Variants in SLC24A2 observed in about 807,000 individuals in gnomAD.
SLC24A2 encodes sodium/potassium/calcium exchanger 2.
Under a neutral mutation model 62.0 loss-of-function variants are expected in SLC24A2, and 36 were observed. The observed-to-expected ratio is 0.58, with a 90% confidence interval of 0.44 to 0.77. The LOEUF (loss-of-function observed/expected upper bound fraction) is 0.77, where lower values mean the gene tolerates loss of function less well. SLC24A2 is among the 30% of genes least tolerant of loss of function. SLC24A2 has a pLI of 0.00. For synonymous variants in SLC24A2, 358 were observed against 294.0 expected (o/e 1.22, Z -2.23); for missense variants, 846 against 817.9 (o/e 1.03, Z -0.42).
At chr9:19,557,524 T>C (rs545328383) in intron 7 of SLC24A2, among the ~76,000 whole-genome samples, 6 of 152,226 alleles carry the variant, frequency 3.9e-5, no homozygotes, top group Non-Finnish European at 8.8e-5. Flanking sequence ...TAATCATCCA[T>C]GTGTAATTAC....
chr9:20,037,288 A>G, the SLC24A2 span, among the ~76,000 whole-genome samples: 1 of 152,320 alleles, frequency 6.6e-6, no homozygotes, highest in East Asian at 1.9e-4. Context: ...TTAGGGAATA[A>G]TGACAGGAGA....
the SLC24A2 span, among the ~76,000 whole-genome samples, chr9:19,873,206 T>G: frequency 1.3e-5 from 2 of 151,774 alleles, no homozygotes; most frequent in African/African-American, 4.8e-5. Flanking sequence ...CCTCCCTTCC[T>G]CCCTCCCTCC....
the SLC24A2 span, among the ~76,000 whole-genome samples, chr9:19,945,542 C>T: frequency 2.0e-5 from 3 of 152,210 alleles, no homozygotes; most frequent in Non-Finnish European, 2.9e-5. Context: ...TCTCCCTTTG[C>T]TATTCAGGGT....
At chr9:19,943,682 G>C in the SLC24A2 span, among the ~76,000 whole-genome samples, 1 of 152,246 alleles carries the variant, frequency 6.6e-6, no homozygotes, top group East Asian at 1.9e-4. Flanking sequence ...TCTGACCCAA[G>C]ACACAGAATG....
chr9:19,626,177 G>A (rs1243308496), intron 2 of SLC24A2, among the ~76,000 whole-genome samples: 1 of 152,162 alleles, frequency 6.6e-6, no homozygotes, highest in East Asian at 1.9e-4. Context: ...TGATTTTGCT[G>A]ACTATAAAGT....
At chr9:20,290,488 T>C in the SLC24A2 span, among the ~76,000 whole-genome samples, 2 of 152,252 alleles carry the variant, frequency 1.3e-5, no homozygotes, top group African/African-American at 2.4e-5. Flanking sequence ...GATATCCACA[T>C]GCCTTTGGCC....
chr9:20,198,263 A>G, the SLC24A2 span, among the ~76,000 whole-genome samples: 1 of 152,218 alleles, frequency 6.6e-6, no homozygotes, highest in African/African-American at 2.4e-5. Flanking sequence ...GAAGTCACTA[A>G]GCTTCAGGGT....
chr9:19,849,141 G>A, the SLC24A2 span, among the ~76,000 whole-genome samples: 1 of 152,184 alleles, frequency 6.6e-6, no homozygotes, highest in Non-Finnish European at 1.5e-5. Flanking sequence ...GGTTTTCCCA[G>A]TAGTGTGCCA....
At chr9:20,132,056 T>C in the SLC24A2 span, among the ~76,000 whole-genome samples, 2 of 152,116 alleles carry the variant, frequency 1.3e-5, no homozygotes, top group Non-Finnish European at 2.9e-5. Flanking sequence ...ACTGTAAATG[T>C]GGCTATTTTT....
At chr9:19,878,821 G>C in the SLC24A2 span, among the ~76,000 whole-genome samples, 1 of 152,062 alleles carries the variant, frequency 6.6e-6, no homozygotes, top group African/African-American at 2.4e-5. Context: ...AAATTACCCA[G>C]TTTCAGGTAT....
At chr9:19,661,361 T>C (rs1037771721) in intron 2 of SLC24A2, among the ~76,000 whole-genome samples, 2 of 152,230 alleles carry the variant, frequency 1.3e-5, no homozygotes, top group African/African-American at 2.4e-5. Flanking sequence ...CTAAATATCA[T>C]TGACATCTCT....
the SLC24A2 span, among the ~76,000 whole-genome samples, chr9:20,288,533 C>T: frequency 2.6e-5 from 4 of 152,064 alleles, no homozygotes; most frequent in African/African-American, 9.7e-5. Context: ...TCTTGGGAGG[C>T]TAAGGCAGGT....
the SLC24A2 span, among the ~76,000 whole-genome samples, chr9:20,240,565 T>G: frequency 5.5e-4 from 84 of 152,318 alleles, no homozygotes; most frequent in Non-Finnish European, 3.8e-4. Context: ...AGCAGCTTCC[T>G]TTTTAACTTG....
the SLC24A2 span, among the ~76,000 whole-genome samples, chr9:20,073,671 C>T: frequency 2.0e-5 from 3 of 151,874 alleles, no homozygotes; most frequent in South Asian, 2.1e-4. Context: ...CCACAGGACT[C>T]GTTAAAACTC....
intron 2 of SLC24A2, among the ~76,000 whole-genome samples, chr9:19,636,323 C>CCTTTTCTTTCCTTT (rs748059488): frequency 5.2e-5 from 1 of 19,168 alleles, no homozygotes; most frequent in African/African-American, 2.0e-4. Flanking sequence ...TCTTTTCTTT[C>CCTTTTCTTTCCTTT]TTTCTTTCTT....
At chr9:20,202,675 T>A in the SLC24A2 span, among the ~76,000 whole-genome samples, 1 of 152,098 alleles carries the variant, frequency 6.6e-6, no homozygotes, top group African/African-American at 2.4e-5. Context: ...CAGAAAAGAA[T>A]GTTCTGGGAC....
At chr9:20,096,542 C>G in the SLC24A2 span, among the ~76,000 whole-genome samples, 2 of 152,068 alleles carry the variant, frequency 1.3e-5, no homozygotes, top group African/African-American at 4.8e-5. Context: ...GCAATTATTT[C>G]TATTGCCTTT....
chr9:19,515,630 G>C lies in SLC24A2; in HGVS notation c.*523C>G, dbSNP rs1289401999. On this transcript the variant is annotated 3_prime_UTR_variant, in exon 11 of 11. Transcript: ENST00000341998. ...CAAGTTGATGCCCCTCTTCAAATAA[G>C]TACTATAAATATACTAGAGCTATCC... The C allele has an allele frequency of 1.3e-5, 2 of 152,072 alleles. No individual in the cohort carries two copies. Among genetic ancestry groups the C allele is most frequent in the East Asian group, 3.9e-4 (2 of 5,190 alleles). The allele number at this position is 152,072 out of a possible 1,614,324, so 9.4% of individuals were successfully genotyped here.
intron 6 of SLC24A2, among the ~76,000 whole-genome samples, chr9:19,574,466 C>G (rs1238133585): frequency 6.6e-6 from 1 of 152,156 alleles, no homozygotes; most frequent in Non-Finnish European, 1.5e-5. Context: ...TTGCAAGTGA[C>G]TCAACCTCTC....
Sources: allele counts gnomAD v4.1 joint callset (sites outside exome capture counted in the v4.1 genomes callset), GRCh38; gene constraint gnomAD v4.1.1; transcripts MANE v1.5; gene names NCBI Gene and HGNC (gene_info 2026-07-23, HGNC 2026-07-21).